The following LPP variants were observed in gnomAD, a reference collection of about 807,000 sequenced individuals.
LPP encodes lipoma-preferred partner.
A neutral mutation model predicts 60.4 loss-of-function variants in LPP; 38 were observed. The ratio of observed to expected loss-of-function variants is 0.63; its 90% CI spans 0.49 to 0.83. The LOEUF (loss-of-function observed/expected upper bound fraction) is 0.83, where lower values mean the gene tolerates loss of function less well. Among genes scored for constraint, LPP ranks in the 40% least tolerant of loss-of-function variants. The pLI is 0.00. For missense variants in LPP, 902 were observed against 783.6 expected (o/e 1.15, Z -1.80); for synonymous variants, 328 against 290.8 (o/e 1.13, Z -1.30).
intron 2 of LPP, among the ~76,000 whole-genome samples, chr3:188,322,027 A>G (rs1395171713): frequency 6.6e-6 from 1 of 152,148 alleles, no homozygotes; most frequent in Non-Finnish European, 1.5e-5. Flanking sequence ...AAGATGCTTC[A>G]CCTCATCACT....
At chr3:188,421,920 G>A (rs908250677) in intron 4 of LPP, among the ~76,000 whole-genome samples, 3 of 152,236 alleles carry the variant, frequency 2.0e-5, no homozygotes, top group East Asian at 1.9e-4. Flanking sequence ...TGGCTCCTAA[G>A]TACCCCACCC....
chr3:188,818,798 A>G (rs1753164455), intron 9 of LPP, among the ~76,000 whole-genome samples: 1 of 152,176 alleles, frequency 6.6e-6, no homozygotes, highest in Non-Finnish European at 1.5e-5. Context: ...TTAATATTAT[A>G]TGAACGTTAT....
intron 6 of LPP, among the ~76,000 whole-genome samples, chr3:188,536,255 C>T (rs954516700): frequency 5.3e-5 from 8 of 152,024 alleles, no homozygotes; most frequent in South Asian, 2.1e-4. Flanking sequence ...GTGATCTGCC[C>T]GCCTCGGCCT....
intron 9 of LPP, among the ~76,000 whole-genome samples, chr3:188,774,463 T>C (rs1446321556): frequency 6.6e-6 from 1 of 152,148 alleles, no homozygotes; most frequent in Non-Finnish European, 1.5e-5. Flanking sequence ...TTTGTGTCTT[T>C]TTTTCCCTAT....
At chr3:188,547,086 A>G (rs1411103242) in intron 6 of LPP, among the ~76,000 whole-genome samples, 1 of 152,162 alleles carries the variant, frequency 6.6e-6, no homozygotes, top group Non-Finnish European at 1.5e-5. Flanking sequence ...ATTCTCCTGG[A>G]GAGGTCAGAG....
intron 1 of LPP, among the ~76,000 whole-genome samples, chr3:188,184,183 T>TA (rs761067370): frequency 2.6e-5 from 4 of 152,144 alleles, no homozygotes; most frequent in Non-Finnish European, 5.9e-5. Context: ...GTACTTTGGG[T>TA]AAAAATCTGT....
chr3:188,534,194 A>G (rs1216480723), intron 6 of LPP, among the ~76,000 whole-genome samples: 1 of 152,226 alleles, frequency 6.6e-6, no homozygotes, highest in African/African-American at 2.4e-5. Flanking sequence ...CAGCTAAAGC[A>G]TGGGAGGGGG....
intron 2 of LPP, among the ~76,000 whole-genome samples, chr3:188,269,645 A>ATATG (rs748506984): frequency 1.4e-3 from 195 of 136,510 alleles, no homozygotes; most frequent in Middle Eastern, 7.8e-3. Context: ...CTTTTTTTTT[A>ATATG]TGTGTGTGTG....
At chr3:188,324,674 TC>T (rs1757895347) in intron 2 of LPP, among the ~76,000 whole-genome samples, 1 of 152,266 alleles carries the variant, frequency 6.6e-6, no homozygotes, top group African/African-American at 2.4e-5. Context: ...GGCAATAGTC[TC>T]TGAAATTGTC....
chr3:188,559,103 C>A (rs1032531277), intron 6 of LPP, among the ~76,000 whole-genome samples: 2 of 152,032 alleles, frequency 1.3e-5, no homozygotes, highest in Non-Finnish European at 2.9e-5. Context: ...TTAGTCTCCC[C>A]AGATGTAACA....
intron 2 of LPP, among the ~76,000 whole-genome samples, chr3:188,271,876 C>A (rs890887875): frequency 6.6e-6 from 1 of 152,114 alleles, no homozygotes; most frequent in African/African-American, 2.4e-5. Context: ...CACAATGGCT[C>A]CGAGAAGGCC....
intron 3 of LPP, among the ~76,000 whole-genome samples, chr3:188,365,777 G>A (rs142764494): frequency 4.7e-4 from 70 of 149,686 alleles, no homozygotes; most frequent in African/African-American, 1.5e-3. Flanking sequence ...TATAATTGAC[G>A]AAACAAAAGT....
intron 7 of LPP, among the ~76,000 whole-genome samples, chr3:188,656,213 A>C (rs942901401): frequency 2.6e-5 from 4 of 151,918 alleles, no homozygotes; most frequent in African/African-American, 9.7e-5. Flanking sequence ...AAAAAAAAAA[A>C]AAAACACTTT....
At chr3:188,365,055 G>C (rs544364885) in intron 3 of LPP, among the ~76,000 whole-genome samples, 1 of 152,084 alleles carries the variant, frequency 6.6e-6, no homozygotes, top group Admixed American at 6.5e-5. Context: ...CTAATAAAGG[G>C]CTATTGAGTC....
intron 4 of LPP, among the ~76,000 whole-genome samples, chr3:188,478,417 G>A (rs1803813167): frequency 6.6e-6 from 1 of 152,058 alleles, no homozygotes; most frequent in South Asian, 2.1e-4. Context: ...ATGGTTTCAT[G>A]AAACCCTTTT....
intron 8 of LPP, among the ~76,000 whole-genome samples, chr3:188,753,624 T>TG (rs1425212882): frequency 1.3e-5 from 2 of 151,238 alleles, no homozygotes; most frequent in African/African-American, 2.4e-5. Flanking sequence ...TGTTTTGTTT[T>TG]TTGTTTTTTT....
At chr3:188,248,231 G>A (rs1470093338) in intron 2 of LPP, among the ~76,000 whole-genome samples, 2 of 151,974 alleles carry the variant, frequency 1.3e-5, no homozygotes, top group Admixed American at 1.3e-4. Context: ...TACAAGCCTT[G>A]AAGTAAATGT....
At chr3:188,223,759 A>G (rs1363892364) in intron 1 of LPP, among the ~76,000 whole-genome samples, 1 of 152,182 alleles carries the variant, frequency 6.6e-6, no homozygotes, top group East Asian at 1.9e-4. Context: ...CTTTGGTTTT[A>G]TGCAGCTTGC....
At chr3:188,464,826 A>G (rs139655233) in intron 4 of LPP, among the ~76,000 whole-genome samples, 4 of 152,128 alleles carry the variant, frequency 2.6e-5, no homozygotes, top group Admixed American at 2.6e-4. Flanking sequence ...TTTTATAAAC[A>G]TGTGGTCTTC....
Sources: allele counts gnomAD v4.1 joint callset (sites outside exome capture counted in the v4.1 genomes callset), GRCh38; gene constraint gnomAD v4.1.1; transcripts MANE v1.5; gene names NCBI Gene and HGNC (gene_info 2026-07-23, HGNC 2026-07-21).